BMP7: variants seen among roughly 807,000 people sequenced by gnomAD.
The protein encoded by BMP7 is bone morphogenetic protein 7.
A neutral mutation model predicts 41.2 loss-of-function variants in BMP7; 12 were observed. That is an observed-to-expected ratio of 0.29 (90% CI 0.19 to 0.47). The LOEUF (loss-of-function observed/expected upper bound fraction) is 0.47, where lower values mean the gene tolerates loss of function less well. Ranked by LOEUF, BMP7 falls within the 20% of genes least tolerant of loss-of-function variation. The pLI is 0.99. For synonymous variants in BMP7, 248 were observed against 250.0 expected (o/e 0.99, Z 0.07); for missense variants, 467 against 606.0 (o/e 0.77, Z 2.41).
intron 1 of BMP7, among the ~76,000 whole-genome samples, chr20:57,248,659 G>T (rs2066099425): frequency 6.6e-6 from 1 of 152,200 alleles, no homozygotes; most frequent in South Asian, 2.1e-4. Flanking sequence ...GTATCACTGA[G>T]CTGCCCCTGC....
At chr20:57,202,704 T>G in intron 2 of BMP7, 81 bp from the exon 3 acceptor site, 1 of 606,254 alleles carries the variant, frequency 1.6e-6, no homozygotes. Context: ...AAGCAGAGCC[T>G]CATGGGGTGG....
At chr20:57,201,867 A>G (rs1340481340) in intron 3 of BMP7, among the ~76,000 whole-genome samples, 1 of 152,170 alleles carries the variant, frequency 6.6e-6, no homozygotes, top group African/African-American at 2.4e-5. Context: ...AGTGGGAATG[A>G]GAAGTGTTGG....
At position 57,197,551 on chromosome 20, in the gene BMP7, C is replaced by T. The variant is rs984467278; in HGVS notation, c.760+4924G>A. On this transcript the variant is annotated intron_variant, in intron 3 of 6. Transcript: ENST00000395863. Reference sequence around the variant, plus strand: ...ATCCTCTGGCCAAAGCCCAGATCTACACCTGGGAGTCATGAGAAAGTTCCC... The same window carrying T: ...ATCCTCTGGCCAAAGCCCAGATCTATACCTGGGAGTCATGAGAAAGTTCCC... 2.0e-5 allele frequency among the ~76,000 whole-genome samples: 3 copies of T among 152,156 alleles called. No homozygotes were observed. The East Asian group carries it at 5.8e-4, about 29-fold the overall frequency.
intron 2 of BMP7, among the ~76,000 whole-genome samples, chr20:57,223,992 A>G (rs1486531267): frequency 2.6e-5 from 4 of 152,104 alleles, no homozygotes; most frequent in Non-Finnish European, 4.4e-5. Flanking sequence ...AGCCCCACCT[A>G]CCTTCTCAGG....
intron 2 of BMP7, among the ~76,000 whole-genome samples, chr20:57,207,908 C>T (rs550024658): frequency 1.3e-5 from 2 of 148,198 alleles, no homozygotes; most frequent in African/African-American, 2.5e-5. Context: ...CGGCTCACTG[C>T]AAGCTCCGCT....
chr20:57,221,871 G>T (rs946233298), intron 2 of BMP7, among the ~76,000 whole-genome samples: 1 of 151,894 alleles, frequency 6.6e-6, no homozygotes, highest in Non-Finnish European at 1.5e-5. Flanking sequence ...TCCATGGGGG[G>T]TTGTTGTGGG....
intron 1 of BMP7, among the ~76,000 whole-genome samples, chr20:57,241,335 C>T (rs1043440891): frequency 3.9e-5 from 6 of 152,236 alleles, no homozygotes; most frequent in African/African-American, 1.4e-4. Context: ...CTGCATCCGA[C>T]TCAGCTCCCT....
intron 3 of BMP7, among the ~76,000 whole-genome samples, chr20:57,188,277 G>A (rs961768019): frequency 6.6e-6 from 1 of 152,148 alleles, no homozygotes; most frequent in Non-Finnish European, 1.5e-5. Flanking sequence ...ATAAAAAGGA[G>A]TCATTTTCTG....
intron 2 of BMP7, among the ~76,000 whole-genome samples, chr20:57,223,229 C>CA (rs35071781): frequency 0.045 from 2,813 of 62,288 alleles, 89 homozygotes; most frequent in African/African-American, 0.26. Flanking sequence ...GACTCCATCT[C>CA]AAAAAAAAAA....
chr20:57,209,249 T>TATATATATATATATA lies in BMP7; in HGVS notation c.612-6627_612-6626insTATATATATATATAT, dbSNP rs1555814048. 1.4e-4 allele frequency among the ~76,000 whole-genome samples: 13 copies of TATATATATATATATA among 94,870 alleles called. 1 individual carries two copies. Among genetic ancestry groups the TATATATATATATATA allele is most frequent in the African/African-American group, 1.7e-4 (5 of 29,068 alleles). The allele number at this position is 94,870 out of a possible 152,430, so 62.2% of individuals were successfully genotyped here. A position where few individuals can be genotyped will look rare whatever the true frequency, so the allele number is the denominator to read the frequency against. ...AACAAATACCTAGATTTATATATTTTTATATATATATATATATATATATAT... is the reference window on the plus strand; with the variant it reads ...AACAAATACCTAGATTTATATATTTTATATATATATATATATATATATATATATATATATATATAT... On this transcript the variant is annotated intron_variant, in intron 2 of 6. Coordinates refer to ENST00000395863, the MANE Select transcript of BMP7 (RefSeq NM_001719.3).
intron 4 of BMP7, among the ~76,000 whole-genome samples, chr20:57,175,562 C>T (rs1342625617): frequency 6.6e-6 from 1 of 152,208 alleles, no homozygotes; most frequent in African/African-American, 2.4e-5. Flanking sequence ...GAAGAAAACA[C>T]TCCCGAGGTT....
intron 3 of BMP7, among the ~76,000 whole-genome samples, chr20:57,200,041 C>G (rs1170996313): frequency 1.3e-5 from 2 of 152,226 alleles, no homozygotes; most frequent in African/African-American, 4.8e-5. Flanking sequence ...AAATATGGAG[C>G]CCCGGCGGGT....
chr20:57,252,815 T>C (rs2066119256), intron 1 of BMP7, among the ~76,000 whole-genome samples: 1 of 152,194 alleles, frequency 6.6e-6, no homozygotes, highest in Non-Finnish European at 1.5e-5. Flanking sequence ...ATTCCCAAGG[T>C]TGAGGCAAGT....
intron 1 of BMP7, among the ~76,000 whole-genome samples, chr20:57,263,767 T>C (rs1343854805): frequency 6.6e-6 from 1 of 152,052 alleles, no homozygotes; most frequent in African/African-American, 2.4e-5. Flanking sequence ...GTATTTGGAA[T>C]TTTCCTTTAG....
chr20:57,197,827 A>G (rs1008441717), intron 3 of BMP7, among the ~76,000 whole-genome samples: 2 of 152,210 alleles, frequency 1.3e-5, no homozygotes, highest in African/African-American at 4.8e-5. Context: ...AAGAAGTTGG[A>G]GTAGCTGCTG....
At chr20:57,218,435 G>GTGTTTGTTTGGTGGTAGCTGGTGTT (rs77029735) in intron 2 of BMP7, among the ~76,000 whole-genome samples, 2 of 32,328 alleles carry the variant, frequency 6.2e-5, no homozygotes, top group Admixed American at 3.1e-4. Flanking sequence ...GTGGTAGCTG[G>GTGTTTGTTTGGTGGTAGCTGGTGTT]TGTTTGGTGG....
intron 1 of BMP7, among the ~76,000 whole-genome samples, chr20:57,230,857 T>C (rs975576175): frequency 5.9e-5 from 9 of 151,744 alleles, no homozygotes; most frequent in Non-Finnish European, 5.9e-5. Flanking sequence ...TTTGTATTTT[T>C]AGTAGAGATG....
intron 1 of BMP7, among the ~76,000 whole-genome samples, chr20:57,246,400 A>G (rs1174932884): frequency 6.6e-6 from 1 of 152,230 alleles, no homozygotes; most frequent in Non-Finnish European, 1.5e-5. Flanking sequence ...CCTGACACAC[A>G]TAACTGTAAA....
In BMP7 at chr20:57,261,686, T is replaced by G. The variant is rs540808027; in HGVS notation, c.418+4019A>C. Among the ~76,000 whole-genome samples, 33 of 152,314 alleles carry G rather than the reference T, an allele frequency of 2.2e-4. No homozygotes were observed. The South Asian group carries it at 6.2e-3, about 29-fold the overall frequency. On this transcript the variant is annotated intron_variant, in intron 1 of 6. Coordinates refer to ENST00000395863, the MANE Select transcript of BMP7 (RefSeq NM_001719.3). The surrounding 1 kb of genome is among the most constrained non-coding windows in gnomAD (Gnocchi z 4.1). ...ATATTAACCTTTGGCTGCTCACCAGTGAGGGCCGGCGCTCCGAGTGCTGGA... is the reference window on the plus strand; with the variant it reads ...ATATTAACCTTTGGCTGCTCACCAGGGAGGGCCGGCGCTCCGAGTGCTGGA...
Sources: allele counts gnomAD v4.1 joint callset (sites outside exome capture counted in the v4.1 genomes callset), GRCh38; gene constraint gnomAD v4.1.1; non-coding constraint Gnocchi (gnomAD v3.1); transcripts MANE v1.5; gene names NCBI Gene and HGNC (gene_info 2026-07-23, HGNC 2026-07-21).